The following ST3GAL3 variants were observed in gnomAD, a reference collection of about 807,000 sequenced individuals.
The protein encoded by ST3GAL3 is CMP-N-acetylneuraminate-beta-1,4-galactoside alpha-2,3-sialyltransferase.
In ST3GAL3, 21 loss-of-function variants were observed where a neutral mutation model predicts 50.1. The observed-to-expected ratio is 0.42, with a 90% CI of 0.30 to 0.60. The LOEUF (loss-of-function observed/expected upper bound fraction) is 0.60. ST3GAL3 is among the 20% of genes least tolerant of loss of function. The pLI is 0.19. For synonymous variants in ST3GAL3, 183 were observed against 190.0 expected (o/e 0.96, Z 0.30); for missense variants, 353 against 489.4 (o/e 0.72, Z 2.63).
intron 9 of ST3GAL3, among the ~76,000 whole-genome samples, chr1:43,901,924 C>T (rs564529025): frequency 3.9e-5 from 6 of 152,324 alleles, no homozygotes; most frequent in East Asian, 1.9e-4. Context: ...AGAGGAATGC[C>T]GGGGTTGCCC....
chr1:43,773,368 T>A (rs1023860495), intron 2 of ST3GAL3, among the ~76,000 whole-genome samples: 2 of 152,214 alleles, frequency 1.3e-5, no homozygotes, highest in African/African-American at 4.8e-5. Flanking sequence ...CATGCTCTGG[T>A]CCCAGGGCTC....
In ST3GAL3 at chr1:43,925,450, A is replaced by G. The variant is rs893001794; in HGVS notation, c.1038+4522A>G. The stretch of plus-strand genomic sequence containing the variant: ...GGTTTGGAAAGGACCGGATGTGATC[A>G]TGTGTAAAAAAGGCCTGCCACGTAG... On this transcript the variant is annotated intron_variant, in intron 11 of 11. Transcript: ENST00000347631. Among the ~76,000 whole-genome samples, 19 of 152,214 alleles carry G rather than the reference A, an allele frequency of 1.2e-4. 1 individual carries two copies. Among genetic ancestry groups the G allele is most frequent in the Non-Finnish European group, 2.9e-5 (2 of 68,036 alleles).
At chr1:43,763,924 T>C (rs928127785) in intron 2 of ST3GAL3, among the ~76,000 whole-genome samples, 10 of 152,212 alleles carry the variant, frequency 6.6e-5, no homozygotes, top group South Asian at 2.1e-4. Flanking sequence ...CATTACAACA[T>C]AGTGGAACAT....
chr1:43,722,885 T>A (rs533276562), intron 1 of ST3GAL3, among the ~76,000 whole-genome samples: 69 of 152,306 alleles, frequency 4.5e-4, no homozygotes, highest in African/African-American at 1.7e-3. Flanking sequence ...ATATCTAGGC[T>A]GAATATGTAA....
At chr1:43,752,441 C>A (rs1234330557) in intron 2 of ST3GAL3, among the ~76,000 whole-genome samples, 2 of 152,172 alleles carry the variant, frequency 1.3e-5, no homozygotes, top group East Asian at 3.8e-4. Flanking sequence ...GATTCACCCA[C>A]CTGTTTCATA....
chr1:43,908,902 A>C (rs201829202), intron 9 of ST3GAL3, among the ~76,000 whole-genome samples: 2 of 151,946 alleles, frequency 1.3e-5, no homozygotes, highest in African/African-American at 4.8e-5. Context: ...AAAGTGCTGG[A>C]ATTACAGGTG....
chr1:43,763,790 A>G (rs1572378755), intron 2 of ST3GAL3, among the ~76,000 whole-genome samples: 2 of 152,032 alleles, frequency 1.3e-5, no homozygotes, highest in African/African-American at 4.8e-5. Flanking sequence ...GAGAGGAGAG[A>G]GTGTGTGTTT....
At chr1:43,726,332 G>T (rs983692342) in intron 1 of ST3GAL3, among the ~76,000 whole-genome samples, 2 of 151,968 alleles carry the variant, frequency 1.3e-5, no homozygotes, top group African/African-American at 4.8e-5. Context: ...TGTCACTCAG[G>T]CTGGAGTGCG....
intron 5 of ST3GAL3, among the ~76,000 whole-genome samples, chr1:43,857,522 C>CCCTCCT (rs1413182012): frequency 6.9e-6 from 1 of 145,292 alleles, no homozygotes; most frequent in Non-Finnish European, 1.5e-5. Flanking sequence ...TTCCTTCCTT[C>CCCTCCT]CCTCCTCCTT....
chr1:43,818,038 TTTAGA>T, intron 4 of ST3GAL3, among the ~76,000 whole-genome samples: 1 of 152,196 alleles, frequency 6.6e-6, no homozygotes, highest in South Asian at 2.1e-4. Context: ...TCTGGCCTCA[TTTAGA>T]TTCTTGGGTA....
chr1:43,884,955 T>A (rs1032613923), intron 5 of ST3GAL3, among the ~76,000 whole-genome samples: 2 of 152,166 alleles, frequency 1.3e-5, no homozygotes, highest in Non-Finnish European at 2.9e-5. Flanking sequence ...CTCACCTCAC[T>A]CCTTAATAAG....
chr1:43,903,898 T>C (rs1347785065), intron 9 of ST3GAL3, among the ~76,000 whole-genome samples: 1 of 152,208 alleles, frequency 6.6e-6, no homozygotes, highest in Non-Finnish European at 1.5e-5. Context: ...TGAGTAGTGC[T>C]GTGCATCTTT....
chr1:43,850,291 G>A (rs1406851100), intron 5 of ST3GAL3: 4 of 540,142 alleles, frequency 7.4e-6, no homozygotes, highest in African/African-American at 3.9e-5. Flanking sequence ...AGGGTGGGCC[G>A]GCTCCTTTAG....
At chr1:43,850,715 C>T (rs3791078) in intron 5 of ST3GAL3, 2 of 737,516 alleles carry the variant, frequency 2.7e-6, no homozygotes, top group East Asian at 2.5e-5. Context: ...TTTGGTAGCC[C>T]AGCTCCGTCA....
At chr1:43,921,873 C>G in intron 11 of ST3GAL3, 1 of 398,046 alleles carries the variant, frequency 2.5e-6, no homozygotes, top group Non-Finnish European at 4.4e-6. Flanking sequence ...TGACCCAGCT[C>G]CCATCAAGGT....
chr1:43,907,058 T>G (rs2079903561), intron 9 of ST3GAL3, among the ~76,000 whole-genome samples: 1 of 152,218 alleles, frequency 6.6e-6, no homozygotes, highest in Admixed American at 6.5e-5. Context: ...AGAACTACTG[T>G]TAACTCTTCT....
At position 43,730,458 on chromosome 1, in the gene ST3GAL3, T is replaced by A. The variant is rs12044880; in HGVS notation, c.-30-5775T>A. ...TGCGCAGACTACTTACAACTTAAAT[T>A]TTTAGTTGTTCTCAGTGGGAAGTTT... On this transcript the variant is annotated intron_variant, in intron 1 of 11. Transcript: ENST00000347631. 2.0e-4 allele frequency among the ~76,000 whole-genome samples: 31 copies of A among 152,296 alleles called. No homozygotes were observed. The East Asian group carries it at 5.8e-3, about 28-fold the overall frequency.
At chr1:43,767,435 T>G (rs1202039867) in intron 2 of ST3GAL3, among the ~76,000 whole-genome samples, 2 of 151,946 alleles carry the variant, frequency 1.3e-5, no homozygotes, top group African/African-American at 2.4e-5. Flanking sequence ...CAGTTTAGAC[T>G]TCATCAGGTA....
intron 2 of ST3GAL3, among the ~76,000 whole-genome samples, chr1:43,763,470 TGGC>T (rs2154123526): frequency 6.6e-6 from 1 of 152,244 alleles, no homozygotes; most frequent in South Asian, 2.1e-4. Context: ...CATGGAGGAG[TGGC>T]GGATCAAATT....
Sources: allele counts gnomAD v4.1 joint callset (sites outside exome capture counted in the v4.1 genomes callset), GRCh38; gene constraint gnomAD v4.1.1; transcripts MANE v1.5; gene names NCBI Gene and HGNC (gene_info 2026-07-23, HGNC 2026-07-21).